The following CPNE9 variants were observed in gnomAD, a reference collection of about 807,000 sequenced individuals.
CPNE9 encodes the protein copine family member 9.
In CPNE9, 59 loss-of-function variants were observed where a neutral mutation model predicts 83.0. That is an observed-to-expected ratio of 0.71 (90% CI 0.58 to 0.88). CPNE9 has a LOEUF of 0.88. CPNE9 is among the 40% of genes least tolerant of loss of function. The pLI is 0.00. For missense variants in CPNE9, 619 were observed against 720.8 expected, an observed-to-expected ratio of 0.86 and a Z score of 1.62; for synonymous variants, 256 against 273.4, an observed-to-expected ratio of 0.94 and a Z score of 0.63.
In CPNE9 at chr3:9,707,080, G is replaced by A. The variant is rs562005509; in HGVS notation, c.377+1017G>A. ...TAAGAATAAACCTTGGGGGCCAGGC[G>A]CGGTGGCTCACACCTGTAATCCCAG... On this transcript the variant is annotated intron_variant, in intron 7 of 20. Transcript: ENST00000383832. 1.5e-4 allele frequency among the ~76,000 whole-genome samples: 23 copies of A among 152,246 alleles called. No homozygotes were observed. In the South Asian group the frequency reaches 2.1e-3, roughly 14 times the overall value.
intron 10 of CPNE9, 89 bp downstream of exon 10, chr3:9,713,168 T>G: frequency 9.8e-7 from 1 of 1,023,800 alleles, no homozygotes; most frequent in Non-Finnish European, 1.5e-6. Context: ...AGTATCATAA[T>G]AGCGTTGGAG....
chr3:9,726,631 C>T (rs1451961602), intron 18 of CPNE9, 34 bp from the exon 19 acceptor site: 1 of 1,566,700 alleles, frequency 6.4e-7, no homozygotes, highest in Admixed American at 1.7e-5. Context: ...GTGATGCCTG[C>T]TTGCCCCAAC....
At chr3:9,712,328 G>C (rs1173872885) in intron 7 of CPNE9, among the ~76,000 whole-genome samples, 1 of 152,152 alleles carries the variant, frequency 6.6e-6, no homozygotes, top group Non-Finnish European at 1.5e-5. Context: ...ACTGTTGTGA[G>C]ATGTTCACCT....
At chr3:9,709,494 G>A (rs1419895545) in intron 7 of CPNE9, among the ~76,000 whole-genome samples, 4 of 149,422 alleles carry the variant, frequency 2.7e-5, no homozygotes, top group Non-Finnish European at 4.5e-5. Flanking sequence ...TCAGCCTCCC[G>A]AGTAGCTTGG....
intron 20 of CPNE9, chr3:9,727,600 G>A: frequency 8.4e-6 from 5 of 594,968 alleles, no homozygotes; most frequent in Middle Eastern, 4.5e-4. Context: ...ACAGGGAGAG[G>A]AGCAGCATGT....
chr3:9,713,005 G>C lies in CPNE9; in HGVS notation c.576G>C (p.Val192=). 6.2e-7 allele frequency: 1 copy of C among 1,614,188 alleles called. No individual in the cohort carries two copies. The highest frequency in any genetic ancestry group is 8.5e-7 in the Non-Finnish European group (1 of 1,180,042). The change falls in exon 10 of 21, where the codon GTG becomes GTC. Residue 192 remains valine, a synonymous_variant. Transcript: ENST00000383832. ...CCATCTGCCACAAGACAGAGGTTGTGAAAAACACGCTGAATCCTGTGTGGC... is the reference window on the plus strand; with the variant it reads ...CCATCTGCCACAAGACAGAGGTTGTCAAAAACACGCTGAATCCTGTGTGGC... ...TFTICHKTEV[V]KNTLNPVWQP... is the part of the protein sequence containing the mutation.
At chr3:9,705,437 C>G (rs1190084712) in intron 4 of CPNE9, 27 bp from the exon 5 acceptor site, 3 of 1,481,146 alleles carry the variant, frequency 2.0e-6, no homozygotes, top group African/African-American at 2.8e-5. Context: ...CCAGCCCCAC[C>G]CCACACCGGT....
intron 17 of CPNE9, among the ~76,000 whole-genome samples, chr3:9,721,902 A>G (rs760246852): frequency 6.6e-6 from 1 of 151,782 alleles, no homozygotes; most frequent in Non-Finnish European, 1.5e-5. Context: ...TTTTAAACAT[A>G]GGAACTGTTT....
chr3:9,727,443 C>T, intron 20 of CPNE9: 1 of 717,168 alleles, frequency 1.4e-6, no homozygotes, highest in Admixed American at 2.0e-5. Context: ...AATAATCACA[C>T]AAAGAAATAT....
At position 9,715,515 on chromosome 3, in the gene CPNE9, A is replaced by G; in HGVS notation, c.811A>G (p.Asn271Asp). 6.2e-7 allele frequency: 1 copy of G among 1,613,958 alleles called. No individual in the cohort carries two copies. Among genetic ancestry groups the G allele is most frequent in the Non-Finnish European group, 8.5e-7 (1 of 1,179,828 alleles). Residue 271 changes from asparagine to aspartate, a missense_variant, in exon 13 of 21, where the codon AAC (asparagine) becomes GAC (aspartate). This residue lies in a region of CPNE9 where 438 missense variants were observed against 562.9 expected (regional missense o/e 0.78). Transcript: ENST00000383832. ...GAAATGTAAGAAGAAGAAATATGTCAACTCAGGAACTGTGAGTGCTCCCTA... is the reference window on the plus strand; with the variant it reads ...GAAATGTAAGAAGAAGAAATATGTCGACTCAGGAACTGTGAGTGCTCCCTA... ...RKKCKKKKYV[N>D]SGTVTLLSFS...
chr3:9,716,726 C>T (rs2076687076), intron 14 of CPNE9, among the ~76,000 whole-genome samples: 1 of 152,244 alleles, frequency 6.6e-6, no homozygotes, highest in African/African-American at 2.4e-5. Context: ...CCCTCCTCAG[C>T]CTCCCAAAGT....
intron 7 of CPNE9, among the ~76,000 whole-genome samples, chr3:9,707,230 G>A (rs1401183757): frequency 6.6e-6 from 1 of 151,720 alleles, no homozygotes; most frequent in East Asian, 1.9e-4. Flanking sequence ...GTGGGTGCCT[G>A]TAGTCCCAGC....
rs1400794447 is a variant in CPNE9, at chr3:9,717,157, G to T, written c.931+53G>T. On this transcript the variant is annotated intron_variant, in intron 15 of 20. Transcript: ENST00000383832. ...GAGGTGGGAAGGCACTTCTAAGGGA[G>T]TCATTAGGAGTTGGCCTGGATTCCT... is the stretch of plus-strand genomic sequence containing the variant. The T allele has an allele frequency of 3.2e-6, 5 of 1,583,708 alleles. No individual in the cohort carries two copies. The African/African-American group carries it at 6.7e-5, about 21-fold the overall frequency.
intron 15 of CPNE9, among the ~76,000 whole-genome samples, chr3:9,717,624 G>A (rs2076695661): frequency 6.6e-6 from 1 of 152,204 alleles, no homozygotes; most frequent in African/African-American, 2.4e-5. Context: ...TAATACTGTT[G>A]TATAGATGGG....
chr3:9,722,045 G>T (rs2076738407), intron 17 of CPNE9, among the ~76,000 whole-genome samples: 1 of 151,842 alleles, frequency 6.6e-6, no homozygotes, highest in African/African-American at 2.4e-5. Flanking sequence ...AGCCTCATGA[G>T]CAGCTGGGAT....
chr3:9,729,524 C>T lies in CPNE9; in HGVS notation c.1494C>T (p.Asp498=), dbSNP rs753068569. Residue 498 remains aspartate, a synonymous_variant, in exon 21 of 21, where the codon GAC becomes GAT. Transcript: ENST00000383832. ...RDIVQFVPFR[D]YVDRSGNQVL... ...TGACCCAGTTCGTCCCATTCCGAGA[C>T]TATGTTGACCGGTCGGGGAACCAGG... 1 of 1,613,574 alleles carries T rather than the reference C, an allele frequency of 6.2e-7. No individual in the cohort carries two copies. The highest frequency in any genetic ancestry group is 2.2e-5 in the East Asian group (1 of 44,864).
At chr3:9,712,380 C>T (rs2076638376) in intron 7 of CPNE9, among the ~76,000 whole-genome samples, 161 bp from the exon 8 acceptor site, 1 of 152,174 alleles carries the variant, frequency 6.6e-6, no homozygotes, top group Admixed American at 6.5e-5. Flanking sequence ...AGACCCCACC[C>T]AGTCAAAGTG....
intron 17 of CPNE9, among the ~76,000 whole-genome samples, chr3:9,721,781 A>G (rs190933487): frequency 2.0e-5 from 3 of 152,316 alleles, no homozygotes; most frequent in African/African-American, 7.2e-5. Flanking sequence ...ATAGAGAGTG[A>G]GAGAATCAAG....
At chr3:9,713,787 A>C (rs1189701624) in intron 10 of CPNE9, among the ~76,000 whole-genome samples, 2 of 152,088 alleles carry the variant, frequency 1.3e-5, no homozygotes, top group African/African-American at 4.8e-5. Flanking sequence ...GACAGATGGT[A>C]GGGGCCGGGC....
Sources: allele counts gnomAD v4.1 joint callset (sites outside exome capture counted in the v4.1 genomes callset), GRCh38; gene constraint gnomAD v4.1.1; regional missense constraint gnomAD v4.1.1; transcripts MANE v1.5; gene names NCBI Gene and HGNC (gene_info 2026-07-23, HGNC 2026-07-21).